Variants in SLC35A3 observed in about 807,000 individuals in gnomAD.
The protein encoded by SLC35A3 is solute carrier family 35 member A3.
Under a neutral mutation model 39.0 loss-of-function variants are expected in SLC35A3, and 26 were observed. That is an observed-to-expected ratio of 0.67 (90% CI 0.49 to 0.92). The LOEUF (loss-of-function observed/expected upper bound fraction) is 0.92, where lower values mean the gene tolerates loss of function less well. Ranked by LOEUF, SLC35A3 falls within the 40% of genes least tolerant of loss-of-function variation. The pLI is 0.00. For missense variants in SLC35A3, 299 were observed against 371.6 expected (o/e 0.80, Z 1.61); for synonymous variants, 135 against 133.1 (o/e 1.01, Z -0.10).
chr1:99,972,447 T>TGCCTCA (rs939882438), intron 1 of SLC35A3, among the ~76,000 whole-genome samples: 10 of 151,604 alleles, frequency 6.6e-5, no homozygotes, highest in African/African-American at 2.4e-4. Context: ...GAGATTCTTC[T>TGCCTCA]GCCTCAGCCT....
chr1:100,003,928 A>G (rs1247265806), intron 3 of SLC35A3, among the ~76,000 whole-genome samples: 2 of 152,194 alleles, frequency 1.3e-5, no homozygotes. Flanking sequence ...TTACATAAGT[A>G]TAGCTATTTC....
rs778910112 is a variant in SLC35A3 at position 100,029,821 on chromosome 1, G to A, written c.*7345G>A. On this transcript the variant is annotated 3_prime_UTR_variant, in exon 8 of 8. Coordinates refer to ENST00000533028, the MANE Select transcript of SLC35A3 (RefSeq NM_012243.3). ...TAACATGAATCTAGTGTGGAAAAAT[G>A]TTTATAATCAGATATTGTGTTAAGA... is the stretch of plus-strand genomic sequence containing the variant. The A allele has an allele frequency of 2.3e-4, 35 of 151,964 alleles. No individual in the cohort carries two copies. The highest frequency in any genetic ancestry group is 2.1e-4 in the South Asian group (1 of 4,822). 9.4% of individuals were successfully genotyped at this position (151,964 alleles called of 1,614,324 possible).
At chr1:99,982,822 A>T (rs1295764702) in intron 1 of SLC35A3, among the ~76,000 whole-genome samples, 1 of 152,236 alleles carries the variant, frequency 6.6e-6, no homozygotes, top group African/African-American at 2.4e-5. Flanking sequence ...GAAGAGATTT[A>T]AAAATAATAA....
In SLC35A3 at chr1:100,025,717, C is replaced by T. The variant is rs1660875369; in HGVS notation, c.*3241C>T. The stretch of plus-strand genomic sequence containing the variant: ...TGTGTGATGTGTGTTTTGATGACCT[C>T]CACAGGCCTTACTGTATCAAGCTTT... On this transcript the variant is annotated 3_prime_UTR_variant, in exon 8 of 8. Transcript: ENST00000533028. The T allele has an allele frequency of 6.6e-6, 1 of 152,134 alleles. No individual in the cohort carries two copies. The highest frequency in any genetic ancestry group is 2.4e-5 in the African/African-American group (1 of 41,422). 9.4% of individuals were successfully genotyped at this position (152,134 alleles called of 1,614,324 possible).
intron 2 of SLC35A3, among the ~76,000 whole-genome samples, chr1:99,997,076 A>AT (rs1658440161): frequency 6.6e-6 from 1 of 151,622 alleles, no homozygotes; most frequent in African/African-American, 2.4e-5. Flanking sequence ...ATCTTTGGCC[A>AT]TTTTTCATGA....
chr1:99,974,518 T>G (rs1208801399), intron 1 of SLC35A3, among the ~76,000 whole-genome samples: 5 of 152,184 alleles, frequency 3.3e-5, no homozygotes, highest in Non-Finnish European at 7.3e-5. Flanking sequence ...TTTGTAGAGA[T>G]GAAGTCTTAT....
At chr1:99,995,663 A>G (rs1333787735) in intron 2 of SLC35A3, among the ~76,000 whole-genome samples, 1 of 152,200 alleles carries the variant, frequency 6.6e-6, no homozygotes, top group Non-Finnish European at 1.5e-5. Flanking sequence ...TAAGTTTCAG[A>G]CAGCTATAAG....
Position 100,027,064 on chromosome 1 carries a change from A to C in SLC35A3, c.*4588A>C, listed in dbSNP as rs1660949336. ...TAGTCTTCTCTCTTTATATATCAAA[A>C]ATGAATTACTGATCTTTTTCTCTGG... On this transcript the variant is annotated 3_prime_UTR_variant, in exon 8 of 8. Coordinates refer to ENST00000533028, the MANE Select transcript of SLC35A3 (RefSeq NM_012243.3). The C allele has an allele frequency of 2.5e-6, 1 of 397,590 alleles. No individual in the cohort carries two copies. Among genetic ancestry groups the C allele is most frequent in the South Asian group, 1.3e-4 (1 of 7,478 alleles). 24.6% of individuals were successfully genotyped at this position (397,590 alleles called of 1,614,324 possible).
At chr1:99,979,050 A>G (rs1422508801) in intron 1 of SLC35A3, 2 of 152,234 alleles carry the variant, frequency 1.3e-5, no homozygotes, top group Non-Finnish European at 2.9e-5. Context: ...TAGGGAAGAA[A>G]AAATAGATGT....
At chr1:99,970,611 G>C in intron 1 of SLC35A3, 4 of 1,536,086 alleles carry the variant, frequency 2.6e-6, no homozygotes, top group Non-Finnish European at 3.5e-6. Flanking sequence ...TCAAGAAGCC[G>C]CAGGAACTTA....
At chr1:99,993,344 A>T (rs1658196545) in intron 1 of SLC35A3, among the ~76,000 whole-genome samples, 193 bp from the exon 2 acceptor site, 1 of 152,066 alleles carries the variant, frequency 6.6e-6, no homozygotes, top group East Asian at 1.9e-4. Flanking sequence ...TGTAATTAGC[A>T]GAAAGAATAA....
At position 100,002,695 on chromosome 1, in the gene SLC35A3, C is replaced by T. The variant is rs1191935021; in HGVS notation, c.342+3280C>T. Among the ~76,000 whole-genome samples the T allele has an allele frequency of 6.6e-5, 10 of 152,294 alleles. No individual in the cohort carries two copies. The South Asian group carries it at 1.5e-3, about 22-fold the overall frequency. On this transcript the variant is annotated intron_variant, in intron 3 of 7. Coordinates refer to ENST00000533028, the MANE Select transcript of SLC35A3 (RefSeq NM_012243.3). Reference sequence around the variant, plus strand: ...GCCATGGCACAGTCTTAGCTTACTGCAGCCTCAACCTCCTGGGCTCAAGAA... The same window carrying T: ...GCCATGGCACAGTCTTAGCTTACTGTAGCCTCAACCTCCTGGGCTCAAGAA...
At chr1:99,985,808 A>G (rs1412969718) in intron 1 of SLC35A3, among the ~76,000 whole-genome samples, 1 of 152,064 alleles carries the variant, frequency 6.6e-6, no homozygotes, top group Non-Finnish European at 1.5e-5. Context: ...ATTCCTAAGT[A>G]TTTTATTTTA....
At chr1:100,013,257 T>C (rs1430614651) in intron 5 of SLC35A3, among the ~76,000 whole-genome samples, 1 of 151,882 alleles carries the variant, frequency 6.6e-6, no homozygotes, top group African/African-American at 2.4e-5. Flanking sequence ...GATGGGAGGA[T>C]TGCTTGAGAA....
intron 5 of SLC35A3, among the ~76,000 whole-genome samples, chr1:100,011,948 G>C (rs1659692025): frequency 6.6e-6 from 1 of 151,724 alleles, no homozygotes. Context: ...TCAATTTCTT[G>C]ACCTTGTGAT....
chr1:100,016,083 T>TTTG (rs1491111495), intron 6 of SLC35A3, among the ~76,000 whole-genome samples: 1 of 138,952 alleles, frequency 7.2e-6, no homozygotes, highest in Non-Finnish European at 1.5e-5. Flanking sequence ...TTTTTTTTTT[T>TTTG]GAGACGGAGT....
intron 1 of SLC35A3, among the ~76,000 whole-genome samples, chr1:99,992,383 T>C (rs1348361578): frequency 1.3e-5 from 2 of 152,302 alleles, no homozygotes; most frequent in East Asian, 1.9e-4. Flanking sequence ...AAAGTTTCTT[T>C]AATTTTTTTA....
chr1:100,015,625 T>C, intron 6 of SLC35A3: 1 of 474,516 alleles, frequency 2.1e-6, no homozygotes, highest in Non-Finnish European at 3.4e-6. Context: ...TTAATGAACT[T>C]TGTGGTTTTA....
Position 99,970,792 on chromosome 1 carries a change from T to A in SLC35A3, c.-19+630T>A, listed in dbSNP as rs190947021. ...TTTGAAAATTAAGTCTTTTCGTTTTTGAAATCAACATTCGACTTTAGTAGT... is the reference window on the plus strand; with the variant it reads ...TTTGAAAATTAAGTCTTTTCGTTTTAGAAATCAACATTCGACTTTAGTAGT... On this transcript the variant is annotated intron_variant, in intron 1 of 7. Transcript: ENST00000533028. 6.3e-4 allele frequency: 378 copies of A among 600,346 alleles called. 1 individual carries two copies. The highest frequency in any genetic ancestry group is 6.1e-3 in the African/African-American group (326 of 53,288). 37.2% of individuals were successfully genotyped at this position (600,346 alleles called of 1,614,324 possible).
Sources: allele counts gnomAD v4.1 joint callset (sites outside exome capture counted in the v4.1 genomes callset), GRCh38; gene constraint gnomAD v4.1.1; transcripts MANE v1.5; gene names NCBI Gene and HGNC (gene_info 2026-07-23, HGNC 2026-07-21).